ABCB11: variants seen among roughly 807,000 people sequenced by gnomAD.
The protein encoded by ABCB11 is bile salt export pump.
A neutral mutation model predicts 148.0 loss-of-function variants in ABCB11; 95 were observed. That is an observed-to-expected ratio of 0.64 (90% CI 0.54 to 0.76). The LOEUF (loss-of-function observed/expected upper bound fraction) is 0.76. Ranked by LOEUF, ABCB11 falls within the 30% of genes least tolerant of loss-of-function variation. ABCB11 has a pLI of 0.00. For synonymous variants in ABCB11, 591 were observed against 555.4 expected (o/e 1.06, Z -0.90); for missense variants, 1,523 against 1,617.8 (o/e 0.94, Z 1.01).
intron 5 of ABCB11, among the ~76,000 whole-genome samples, chr2:169,003,323 C>T (rs572897763): frequency 0.035 from 4,893 of 141,582 alleles, 102 homozygotes; most frequent in East Asian, 0.061. Flanking sequence ...TTCCATGGTG[C>T]GTGTGTGTGT....
intron 18 of ABCB11, among the ~76,000 whole-genome samples, chr2:168,958,738 A>G (rs73018724): frequency 0.068 from 10,273 of 151,732 alleles, 435 homozygotes; most frequent in African/African-American, 0.13. Flanking sequence ...ATTAATCAGC[A>G]TTTCTCTTTA....
At chr2:168,986,498 C>T (rs1359752438) in intron 9 of ABCB11, among the ~76,000 whole-genome samples, 1 of 152,032 alleles carries the variant, frequency 6.6e-6, no homozygotes, top group African/African-American at 2.4e-5. Context: ...CGATACTTAA[C>T]AGAGCTGCCT....
intron 25 of ABCB11, among the ~76,000 whole-genome samples, chr2:168,928,415 T>C (rs915488998): frequency 7.9e-5 from 12 of 152,132 alleles, no homozygotes; most frequent in Admixed American, 3.3e-4. Context: ...CAAATAAATG[T>C]TGAAAATATT....
At chr2:168,992,959 C>T (rs931586513) in intron 8 of ABCB11, among the ~76,000 whole-genome samples, 2 of 151,940 alleles carry the variant, frequency 1.3e-5, no homozygotes, top group African/African-American at 2.4e-5. Flanking sequence ...GATTCCATAA[C>T]GTGCTATCTA....
In ABCB11 at chr2:168,997,326, T is replaced by C. The variant is rs538580313; in HGVS notation, c.390-604A>G. Among the ~76,000 whole-genome samples, 57 of 152,220 alleles carry C rather than the reference T, an allele frequency of 3.7e-4. 3 individuals carry two copies. The highest frequency in any genetic ancestry group is 3.5e-3 in the South Asian group (17 of 4,830). ...CATTTTATTAGCCCTGTCTTTTTGC[T>C]GACTACAGCCTAAGTTCATTCACCA... On this transcript the variant is annotated intron_variant, in intron 5 of 27. Coordinates refer to ENST00000650372, the MANE Select transcript of ABCB11 (RefSeq NM_003742.4).
rs2241339 is a variant in ABCB11, at chr2:169,013,785, C to A, written c.151-275G>T. The stretch of plus-strand genomic sequence containing the variant: ...TCTGTTTATTTCAGGAGCTGACTTT[C>A]GTTTTTAGCTACTCATCTACAACTT... On this transcript the variant is annotated intron_variant, in intron 4 of 27. Transcript: ENST00000650372. Among the ~76,000 whole-genome samples, 22,834 of 152,006 alleles carry A rather than the reference C, an allele frequency of 0.15. 2,850 individuals carry two copies. Among genetic ancestry groups the A allele is most frequent in the East Asian group, 0.35 (1,815 of 5,146 alleles).
At chr2:169,028,486 G>A (rs538943040) in intron 1 of ABCB11, among the ~76,000 whole-genome samples, 6 of 152,108 alleles carry the variant, frequency 3.9e-5, no homozygotes, top group Non-Finnish European at 7.4e-5. Context: ...TCCAGGCAGG[G>A]AAGGACACAT....
At chr2:168,917,856 C>T (rs562493281), downstream of ABCB11, among the ~76,000 whole-genome samples, 22 of 152,232 alleles carry the variant, frequency 1.4e-4, no homozygotes, top group South Asian at 8.3e-4. Flanking sequence ...TGAGAACAGA[C>T]GTTGACATAA....
At chr2:168,994,317 C>T (rs776759315) in intron 7 of ABCB11, among the ~76,000 whole-genome samples, 13 of 152,010 alleles carry the variant, frequency 8.6e-5, no homozygotes, top group Non-Finnish European at 1.8e-4. Flanking sequence ...CCTGTGTTTC[C>T]GTAACACTGT....
chr2:168,973,681 C>T (rs1393027477), intron 13 of ABCB11, 34 bp downstream of exon 13: 3 of 1,607,946 alleles, frequency 1.9e-6, no homozygotes, highest in South Asian at 1.1e-5. Flanking sequence ...CTTTACTGTC[C>T]CCATGTATTG....
chr2:168,936,515 TTATAAAG>T, intron 21 of ABCB11, 82 bp from the exon 22 acceptor site: 12 of 1,322,822 alleles, frequency 9.1e-6, no homozygotes, highest in Non-Finnish European at 1.1e-5. Context: ...GTCAGACCTT[TTATAAAG>T]TTGTGATAAA....
rs573370547 is a variant in ABCB11, at chr2:168,974,250, C to T, written c.1309-410G>A. ...AGAAATATAGTACTAATTTACTGAT[C>T]ATGGATTAACAGTAAGGAAATTTGC... On this transcript the variant is annotated intron_variant, in intron 12 of 27. Coordinates refer to ENST00000650372, the MANE Select transcript of ABCB11 (RefSeq NM_003742.4). Among the ~76,000 whole-genome samples the T allele has an allele frequency of 2.0e-3, 300 of 152,058 alleles. 1 individual carries two copies. Among genetic ancestry groups the T allele is most frequent in the Non-Finnish European group, 3.8e-3 (258 of 67,972 alleles).
At position 168,996,716 on chromosome 2, in the gene ABCB11, C is replaced by T; in HGVS notation, c.396G>A (p.Leu132=). 1 of 1,551,346 alleles carries T rather than the reference C, an allele frequency of 6.4e-7. No homozygotes were observed. The highest frequency in any genetic ancestry group is 8.7e-7 in the Non-Finnish European group (1 of 1,144,656). The change falls in exon 6 of 28, where the codon CTG becomes CTA. Residue 132 remains leucine, a synonymous_variant. Coordinates refer to ENST00000650372, the MANE Select transcript of ABCB11 (RefSeq NM_003742.4). ...NMTNGTRCGL[L]NIESEMIKFA... ...ATTTGATCATTTCGCTCTCGATGTTCAGCAACCTTCAAAAGAGGGAAAAGA... is the reference window on the plus strand; with the variant it reads ...ATTTGATCATTTCGCTCTCGATGTTTAGCAACCTTCAAAAGAGGGAAAAGA...
intron 17 of ABCB11, among the ~76,000 whole-genome samples, chr2:168,968,148 C>T (rs1693396713): frequency 6.6e-6 from 1 of 151,688 alleles, no homozygotes; most frequent in South Asian, 2.1e-4. Flanking sequence ...TAAAAGAAGT[C>T]CCCTTTCTAA....
At chr2:169,000,645 CTG>C (rs1558919396) in intron 5 of ABCB11, among the ~76,000 whole-genome samples, 1 of 152,102 alleles carries the variant, frequency 6.6e-6, no homozygotes, top group African/African-American at 2.4e-5. Context: ...TATCTGTCCT[CTG>C]TCAATGCCAC....
In ABCB11 at chr2:168,955,975, C is replaced by T. The variant is rs796468080; in HGVS notation, c.2343+1989G>A. 4.9e-4 allele frequency among the ~76,000 whole-genome samples: 74 copies of T among 151,716 alleles called. 1 individual carries two copies. Among genetic ancestry groups the T allele is most frequent in the African/African-American group, 1.4e-3 (58 of 41,472 alleles). On this transcript the variant is annotated intron_variant, in intron 19 of 27. Coordinates refer to ENST00000650372, the MANE Select transcript of ABCB11 (RefSeq NM_003742.4). ...AGCTCCAAAATAATCTTTTTTGACA[C>T]CTTGTCTCACATCCAGGCCACACTG...
At position 168,958,069 on chromosome 2, in the gene ABCB11, T is replaced by A. The variant is rs1559202229; in HGVS notation, c.2238A>T (p.Lys746Asn). 11 of 1,611,464 alleles carry A rather than the reference T, an allele frequency of 6.8e-6. No individual in the cohort carries two copies. The highest frequency in any genetic ancestry group is 1.7e-4 in the Middle Eastern group (1 of 6,046). The change falls in exon 19 of 28, where the codon AAA becomes AAT. Residue 746 changes from lysine to asparagine, a missense_variant. Lys to Asn is a moderately conservative substitution (Grantham distance 94, BLOSUM62 0). Transcript: ENST00000650372. ...VEPAPVRRIL[K>N]FSAPEWPYML... ...TGTAGGGCCATTCTGGAGCACTGAA[T>A]TTCAGAATCCTCCTAACTGGGGCAG... is the stretch of plus-strand genomic sequence containing the variant.
intron 21 of ABCB11, among the ~76,000 whole-genome samples, chr2:168,939,446 A>G (rs550835347): frequency 1.7e-4 from 26 of 152,228 alleles, no homozygotes; most frequent in Middle Eastern, 3.4e-3. Context: ...ATCGTTCATG[A>G]TGGTTTTAGG....
chr2:168,975,392 GATAAATAT>G lies in ABCB11; in HGVS notation c.1308+1177_1308+1184del, dbSNP rs373546583. 3.2e-4 allele frequency among the ~76,000 whole-genome samples: 2 copies of G among 6,268 alleles called. 1 individual carries two copies. The highest frequency in any genetic ancestry group is 3.8e-3 in the Admixed American group (2 of 524). 4.1% of individuals were successfully genotyped at this position (6,268 alleles called of 152,430 possible). A position where few individuals can be genotyped will look rare whatever the true frequency, so the allele number is the denominator to read the frequency against. ...ATATATAAATATTTTTATATTTATA[GATAAATAT>G]ATAAATATATAAATATTTTTATATT... On this transcript the variant is annotated intron_variant, in intron 12 of 27. Coordinates refer to ENST00000650372, the MANE Select transcript of ABCB11 (RefSeq NM_003742.4).
Sources: gnomAD v4.1 joint callset for allele counts (sites outside exome capture counted in the v4.1 genomes callset) on GRCh38, gnomAD v4.1.1 for gene constraint, MANE v1.5 for transcripts, NCBI Gene and HGNC (gene_info 2026-07-23, HGNC 2026-07-21) for gene names.